MYH9: variants seen among roughly 807,000 people sequenced by gnomAD.
MYH9 encodes myosin-9.
In MYH9, 29 loss-of-function variants were observed where a neutral mutation model predicts 241.9. The observed-to-expected ratio is 0.12, with a 90% CI of 0.09 to 0.16. MYH9 has a LOEUF of 0.16. MYH9 is among the 10% of genes least tolerant of loss of function. MYH9 has a pLI of 1.00. For missense variants in MYH9, 1,803 were observed against 2,595.5 expected (o/e 0.69, Z 6.63); for synonymous variants, 1,047 against 1,062.6 (o/e 0.99, Z 0.29).
rs2146335390 is a variant in MYH9, at chr22:36,292,107, T to C, written c.4223A>G (p.Tyr1408Cys). The C allele has an allele frequency of 6.2e-7, 1 of 1,614,202 alleles. No individual in the cohort carries two copies. The highest frequency in any genetic ancestry group is 8.5e-7 in the Non-Finnish European group (1 of 1,180,048). The change falls in exon 31 of 41, where the codon TAC becomes TGC. Residue 1408 changes from tyrosine (Y) to cysteine (C), a missense_variant. Physicochemically the swap from Tyr to Cys is radical, Grantham distance 194 (BLOSUM62 -2). Around this residue, in one of 11 missense-constraint regions of MYH9, gnomAD observed 876 missense variants for 1,077.8 expected, o/e 0.81. Transcript: ENST00000216181. ...CGTCTTGGTCTTCTCCAGCTTGTCGTAGGCGGCCACCTTCTCCTCGTGCCG... is the reference window on the plus strand; with the variant it reads ...CGTCTTGGTCTTCTCCAGCTTGTCGCAGGCGGCCACCTTCTCCTCGTGCCG... ...SQRHEEKVAA[Y>C]DKLEKTKTRL...
At chr22:36,345,633 T>C (rs2017665250) in intron 2 of MYH9, among the ~76,000 whole-genome samples, 1 of 152,340 alleles carries the variant, frequency 6.6e-6, no homozygotes, top group South Asian at 2.1e-4. Flanking sequence ...TTCATTTATT[T>C]GCAAGTCACT....
chr22:36,382,832 T>C (rs1028419481), intron 1 of MYH9, among the ~76,000 whole-genome samples: 11 of 151,438 alleles, frequency 7.3e-5, no homozygotes, highest in African/African-American at 2.7e-4. Context: ...TAAATAAAAT[T>C]ACTTAATTTT....
Position 36,320,544 on chromosome 22 carries a change from T to C in MYH9, c.869-181A>G, listed in dbSNP as rs2017233916. 1.3e-5 allele frequency among the ~76,000 whole-genome samples: 2 copies of C among 152,126 alleles called. No homozygotes were observed. Among genetic ancestry groups the C allele is most frequent in the African/African-American group, 2.4e-5 (1 of 41,412 alleles). On this transcript the variant is annotated intron_variant, in intron 8 of 40. Coordinates refer to ENST00000216181, the MANE Select transcript of MYH9 (RefSeq NM_002473.6). This position sits in a 1 kb window ranked among gnomAD's most constrained non-coding sequence, Gnocchi z 4.8. Reference sequence around the variant, plus strand: ...AGTGTCTGAGACTCTGACACTCCCGTCTCCTGGCCCAGGAGAGCGCCAGGT... The same window carrying C: ...AGTGTCTGAGACTCTGACACTCCCGCCTCCTGGCCCAGGAGAGCGCCAGGT...
At position 36,349,129 on chromosome 22, in the gene MYH9, G is replaced by A. The variant is rs764743124; in HGVS notation, c.108C>T (p.Ser36=). 2.9e-5 allele frequency: 46 copies of A among 1,614,034 alleles called. No homozygotes were observed. The highest frequency in any genetic ancestry group is 4.0e-5 in the African/African-American group (3 of 74,936). ...WAAKKLVWVP[S]DKSGFEPASL... is the part of the protein sequence containing the mutation. ...TGGCTGGCTCAAAGCCACTCTTGTC[G>A]GAAGGCACCCATACCAGCTTCTTGG... The change falls in exon 2 of 41, where the codon TCC becomes TCT. Residue 36 remains serine (S), a synonymous_variant. Coordinates refer to ENST00000216181, the MANE Select transcript of MYH9 (RefSeq NM_002473.6).
At chr22:36,355,527 C>A (rs2017841141) in intron 1 of MYH9, among the ~76,000 whole-genome samples, 1 of 152,154 alleles carries the variant, frequency 6.6e-6, no homozygotes, top group Admixed American at 6.5e-5. Context: ...ATTTCCACTC[C>A]CAGACAACGA....
At chr22:36,381,676 C>T (rs962199035) in intron 1 of MYH9, among the ~76,000 whole-genome samples, 2 of 152,118 alleles carry the variant, frequency 1.3e-5, no homozygotes, top group East Asian at 1.9e-4. Flanking sequence ...AAACGAAGCA[C>T]CATTTACACT....
chr22:36,384,188 T>C (rs2018302745), intron 1 of MYH9, among the ~76,000 whole-genome samples: 1 of 151,076 alleles, frequency 6.6e-6, no homozygotes, highest in Admixed American at 6.6e-5. Flanking sequence ...GAAGAATCGC[T>C]TAAACCTTGG....
chr22:36,377,561 AT>A (rs1465126788), intron 1 of MYH9, among the ~76,000 whole-genome samples: 1 of 152,192 alleles, frequency 6.6e-6, no homozygotes, highest in Non-Finnish European at 1.5e-5. Flanking sequence ...AGTCATCTTA[AT>A]CACCGCACCT....
intron 15 of MYH9, among the ~76,000 whole-genome samples, chr22:36,307,225 C>G (rs1478565386): frequency 1.3e-5 from 2 of 152,148 alleles, no homozygotes; most frequent in Non-Finnish European, 2.9e-5. Context: ...TTAGGGATCT[C>G]TTCACGTACT....
At chr22:36,369,854 G>C (rs1249405841) in intron 1 of MYH9, among the ~76,000 whole-genome samples, 1 of 152,106 alleles carries the variant, frequency 6.6e-6, no homozygotes, top group Non-Finnish European at 1.5e-5. Context: ...TGCTACCTGG[G>C]GCTAGTCACG....
intron 9 of MYH9, chr22:36,319,874 C>A: frequency 6.4e-6 from 4 of 627,974 alleles, no homozygotes; most frequent in Admixed American, 2.5e-5. Context: ...TCATGCTGGG[C>A]TTCACCAGCA....
intron 5 of MYH9, among the ~76,000 whole-genome samples, chr22:36,325,395 C>A (rs1483666587): frequency 6.6e-6 from 1 of 152,222 alleles, no homozygotes; most frequent in Non-Finnish European, 1.5e-5. Flanking sequence ...GAAGGCCGCA[C>A]ACGGCACGCC....
At chr22:36,345,059 T>C (rs967432394) in intron 2 of MYH9, among the ~76,000 whole-genome samples, 3 of 152,154 alleles carry the variant, frequency 2.0e-5, no homozygotes, top group African/African-American at 7.2e-5. Context: ...ACGCCTGTAA[T>C]CCCAGCACTT....
chr22:36,314,212 C>A lies in MYH9; in HGVS notation c.1487G>T (p.Gly496Val), dbSNP rs2017114234. The part of the protein sequence containing the change: ...ILEQEEYQRE[G>V]IEWNFIDFGL... ...AAAGTCGATGAAGTTCCACTCGATG[C>A]CCTCGCGCTGGTACTCCTCCTGCTC... The change falls in exon 13 of 41, where the codon GGC (glycine) becomes GTC (valine). Residue 496 changes from glycine to valine, a missense_variant. This residue lies in a region of MYH9 where 163 missense variants were observed against 349.7 expected (regional missense o/e 0.47). Transcript: ENST00000216181. 1 of 1,614,116 alleles carries A rather than the reference C, an allele frequency of 6.2e-7. No homozygotes were observed. Among genetic ancestry groups the A allele is most frequent in the Non-Finnish European group, 8.5e-7 (1 of 1,180,036 alleles).
intron 40 of MYH9, among the ~76,000 whole-genome samples, 183 bp from the exon 41 acceptor site, chr22:36,282,968 A>C (rs1245388705): frequency 6.6e-6 from 1 of 152,228 alleles, no homozygotes; most frequent in African/African-American, 2.4e-5. Context: ...ACTCTCAGGA[A>C]AGCAGGCAAA....
At chr22:36,333,929 T>C (rs927238706) in intron 3 of MYH9, among the ~76,000 whole-genome samples, 22 of 152,122 alleles carry the variant, frequency 1.4e-4, no homozygotes, top group African/African-American at 5.1e-4. Flanking sequence ...GAGTTTTTGT[T>C]GTTGGTTTAT....
At chr22:36,385,060 C>T (rs903361040) in intron 1 of MYH9, among the ~76,000 whole-genome samples, 1 of 152,064 alleles carries the variant, frequency 6.6e-6, no homozygotes, top group African/African-American at 2.4e-5. Context: ...GTTTTATGCT[C>T]AGTAAATTAG....
At chr22:36,310,931 A>T (rs1028117450) in intron 14 of MYH9, among the ~76,000 whole-genome samples, 1 of 152,046 alleles carries the variant, frequency 6.6e-6, no homozygotes, top group African/African-American at 2.4e-5. Flanking sequence ...TGGCTTTATT[A>T]TTTTTTTCAT....
chr22:36,312,510 C>A (rs1226025178), intron 13 of MYH9, among the ~76,000 whole-genome samples: 1 of 152,226 alleles, frequency 6.6e-6, no homozygotes. Context: ...ACCCGCGGGG[C>A]CAGAGTCTGA....
Sources: gnomAD v4.1 joint callset for allele counts (sites outside exome capture counted in the v4.1 genomes callset) on GRCh38, gnomAD v4.1.1 for gene constraint, gnomAD v4.1.1 regional missense constraint, Gnocchi (gnomAD v3.1) non-coding constraint, MANE v1.5 for transcripts, NCBI Gene and HGNC (gene_info 2026-07-23, HGNC 2026-07-21) for gene names.